Variants in RASGRP3 observed in about 807,000 individuals in gnomAD.
The protein encoded by RASGRP3 is RAS guanyl releasing protein 3, also known as ras guanyl-releasing protein 3.
A neutral mutation model predicts 82.7 loss-of-function variants in RASGRP3; 54 were observed. The observed-to-expected ratio is 0.65, with a 90% CI of 0.52 to 0.82. RASGRP3 has a LOEUF of 0.82. RASGRP3 is among the 40% of genes least tolerant of loss of function. RASGRP3 has a pLI of 0.00. For missense variants in RASGRP3, 861 were observed against 828.9 expected, an observed-to-expected ratio of 1.04 and a Z score of -0.48; for synonymous variants, 309 against 300.5, an observed-to-expected ratio of 1.03 and a Z score of -0.29.
intron 10 of RASGRP3, chr2:33,532,967 C>T (rs565213040): frequency 2.0e-5 from 3 of 152,272 alleles, no homozygotes; most frequent in African/African-American, 4.8e-5. Context: ...AAAACATCTT[C>T]GCCTCTGAGT....
At chr2:33,515,710 G>C (rs1330409173) in intron 3 of RASGRP3, among the ~76,000 whole-genome samples, 2 of 152,136 alleles carry the variant, frequency 1.3e-5, no homozygotes, top group Non-Finnish European at 2.9e-5. Context: ...CGTCATATCT[G>C]CTACTAGATT....
At chr2:33,452,056 C>T (rs193147561) in intron 2 of RASGRP3, among the ~76,000 whole-genome samples, 5 of 152,128 alleles carry the variant, frequency 3.3e-5, no homozygotes, top group Non-Finnish European at 7.4e-5. Flanking sequence ...TTCTTTAGAT[C>T]CAGAATTTCT....
intron 1 of RASGRP3, among the ~76,000 whole-genome samples, chr2:33,478,286 A>T (rs1261008702): frequency 6.6e-6 from 1 of 152,224 alleles, no homozygotes; most frequent in Non-Finnish European, 1.5e-5. Flanking sequence ...GAGGAAAAAT[A>T]GTCCCAACTT....
At chr2:33,557,294 T>C (rs149355975) in intron 15 of RASGRP3, among the ~76,000 whole-genome samples, 39 of 152,328 alleles carry the variant, frequency 2.6e-4, no homozygotes, top group African/African-American at 8.9e-4. Flanking sequence ...CTGCACGCTG[T>C]TTCAAAGCCA....
intron 1 of RASGRP3, among the ~76,000 whole-genome samples, chr2:33,443,288 C>T (rs560369014): frequency 6.6e-6 from 1 of 152,066 alleles, no homozygotes. Context: ...GTTTCCATGC[C>T]ATGAAATGGG....
chr2:33,510,629 G>T (rs980914465), intron 1 of RASGRP3, among the ~76,000 whole-genome samples: 2 of 152,184 alleles, frequency 1.3e-5, no homozygotes, highest in African/African-American at 4.8e-5. Flanking sequence ...CTTTTAATAT[G>T]GGAGGGGAAG....
At chr2:33,500,866 G>A (rs56354744) in intron 1 of RASGRP3, among the ~76,000 whole-genome samples, 12,955 of 152,198 alleles carry the variant, frequency 0.085, 605 homozygotes, top group East Asian at 0.11. Context: ...CCTGGGAGGC[G>A]GAGGTTGCAG....
In RASGRP3 at chr2:33,562,431, C is replaced by A. The variant is rs1158283313; in HGVS notation, c.2065-298C>A. 7.2e-5 allele frequency among the ~76,000 whole-genome samples: 11 copies of A among 152,066 alleles called. No homozygotes were observed. In the East Asian group the frequency reaches 1.9e-3, roughly 27 times the overall value. The stretch of plus-strand genomic sequence containing the variant: ...TGCAGGCATATGCCACCATACCCAG[C>A]TGGTTTTTATTTATTTTTTTGTAGA... On this transcript the variant is annotated intron_variant, in intron 17 of 17. Coordinates refer to ENST00000403687, the MANE Select transcript of RASGRP3 (RefSeq NM_001139488.2).
At chr2:33,484,701 G>C (rs891627788) in intron 1 of RASGRP3, among the ~76,000 whole-genome samples, 1 of 152,148 alleles carries the variant, frequency 6.6e-6, no homozygotes, top group Non-Finnish European at 1.5e-5. Flanking sequence ...ATTGAGAGAG[G>C]AAATAAAATA....
chr2:33,558,629 A>G (rs1676284416), intron 16 of RASGRP3, 43 bp from the exon 17 acceptor site: 1 of 1,497,042 alleles, frequency 6.7e-7, no homozygotes, highest in South Asian at 1.3e-5. Flanking sequence ...TTTGCTGTCA[A>G]GCAGTCAGAT....
At chr2:33,472,739 GAGGTC>G (rs1275879972), upstream of RASGRP3, among the ~76,000 whole-genome samples, 1 of 151,590 alleles carries the variant, frequency 6.6e-6, no homozygotes, top group Non-Finnish European at 1.5e-5. Context: ...GGCAGATCAC[GAGGTC>G]AGGTGTTCGG....
Position 33,505,395 on chromosome 2 carries a change from C to T in RASGRP3, c.-260-6315C>T, listed in dbSNP as rs530185490. Among the ~76,000 whole-genome samples the T allele has an allele frequency of 3.3e-3, 494 of 151,952 alleles. 2 individuals are homozygous for T. The highest frequency in any genetic ancestry group is 0.011 in the African/African-American group (462 of 41,424). The stretch of plus-strand genomic sequence containing the variant: ...TTGGCTCACCACAACCTCTGCCTCC[C>T]GGGCTCAAGTGATTCTCCTGCCTCA... On this transcript the variant is annotated intron_variant, in intron 1 of 17. Coordinates refer to ENST00000403687, the MANE Select transcript of RASGRP3 (RefSeq NM_001139488.2).
chr2:33,451,988 C>G (rs1401490110), intron 2 of RASGRP3, among the ~76,000 whole-genome samples: 2 of 151,740 alleles, frequency 1.3e-5, no homozygotes, highest in African/African-American at 2.4e-5. Flanking sequence ...ATTCTTTTTT[C>G]TGCTTGATTG....
Position 33,515,192 on chromosome 2 carries a change from G to C in RASGRP3, c.56G>C (p.Cys19Ser), listed in dbSNP as rs2151009405. 1.9e-6 allele frequency: 3 copies of C among 1,613,944 alleles called. No homozygotes were observed. Among genetic ancestry groups the C allele is most frequent in the Non-Finnish European group, 2.5e-6 (3 of 1,179,844 alleles). Residue 19 changes from cysteine to serine, a missense_variant, in exon 3 of 18, where the codon TGC becomes TCC. Physicochemically the swap from Cys to Ser is moderately radical, Grantham distance 112 (BLOSUM62 -1). Transcript: ENST00000403687. ...ACATTAGATGAACTGCTGTGCACTT[G>C]CATTGAGATGTTTGGTACGAGCCTT... Reference protein sequence around the residue: ...AATLDELLCTCIEMFDDNGEL... With the variant: ...AATLDELLCTSIEMFDDNGEL...
chr2:33,520,091 C>T, intron 5 of RASGRP3, 77 bp downstream of exon 5: 1 of 1,229,674 alleles, frequency 8.1e-7, no homozygotes, highest in Non-Finnish European at 1.2e-6. Flanking sequence ...CCCCAAGCTG[C>T]AGACCTAGTT....
At position 33,564,048 on chromosome 2, in the gene RASGRP3, A is replaced by AAAT. The variant is rs1420219799; in HGVS notation, c.*1312_*1314dup. Reference sequence around the variant, plus strand: ...GGCTAAAGTGTATATATTCCATTTAAAATGGAATTTGTTTGTATTTGGGGC... The same window carrying AAAT: ...GGCTAAAGTGTATATATTCCATTTAAAATAATGGAATTTGTTTGTATTTGGGGC... On this transcript the variant is annotated 3_prime_UTR_variant, in exon 18 of 18. Coordinates refer to ENST00000403687, the MANE Select transcript of RASGRP3 (RefSeq NM_001139488.2). 6.6e-6 allele frequency: 1 copy of AAAT among 152,172 alleles called. No homozygotes were observed. Among genetic ancestry groups the AAAT allele is most frequent in the Non-Finnish European group, 1.5e-5 (1 of 68,036 alleles). The allele number at this position is 152,172 out of a possible 1,614,324, so 9.4% of individuals were successfully genotyped here.
intron 13 of RASGRP3, among the ~76,000 whole-genome samples, chr2:33,547,260 C>G (rs1478131914): frequency 1.4e-5 from 2 of 143,842 alleles, no homozygotes; most frequent in Non-Finnish European, 3.0e-5. Context: ...TCCTTGATGG[C>G]GGACGTTTGG....
At chr2:33,445,201 A>G (rs1208918434) in intron 1 of RASGRP3, among the ~76,000 whole-genome samples, 1 of 152,238 alleles carries the variant, frequency 6.6e-6, no homozygotes, top group East Asian at 1.9e-4. Flanking sequence ...ATACGGAGAT[A>G]CAAAAATAGA....
intron 2 of RASGRP3, among the ~76,000 whole-genome samples, chr2:33,456,960 G>C (rs1045671684): frequency 1.6e-4 from 23 of 143,258 alleles, no homozygotes; most frequent in Non-Finnish European, 2.1e-4. Flanking sequence ...CTGAAGTGCA[G>C]TGGCCTATCT....
Sources: gnomAD v4.1 joint callset for allele counts (sites outside exome capture counted in the v4.1 genomes callset) on GRCh38, gnomAD v4.1.1 for gene constraint, MANE v1.5 for transcripts, NCBI Gene and HGNC (gene_info 2026-07-23, HGNC 2026-07-21) for gene names.